COL14A1: variants seen among roughly 807,000 people sequenced by gnomAD.
COL14A1 encodes collagen alpha-1(XIV) chain.
In COL14A1, 136 loss-of-function variants were observed where a neutral mutation model predicts 230.3. That is an observed-to-expected ratio of 0.59 (90% CI 0.51 to 0.68). The LOEUF (loss-of-function observed/expected upper bound fraction) is 0.68. COL14A1 is among the 30% of genes least tolerant of loss of function. The pLI is 0.00. For synonymous variants in COL14A1, 792 were observed against 784.1 expected (o/e 1.01, Z -0.17); for missense variants, 1,976 against 2,215.8 (o/e 0.89, Z 2.17).
intron 20 of COL14A1, among the ~76,000 whole-genome samples, chr8:120,244,274 G>T (rs138781807): frequency 6.6e-6 from 1 of 152,226 alleles, no homozygotes; most frequent in Admixed American, 6.5e-5. Context: ...AGTTTAATTC[G>T]TCAAGGTCCT....
At chr8:120,202,989 A>AT (rs1817299435) in intron 8 of COL14A1, among the ~76,000 whole-genome samples, 4 of 106,554 alleles carry the variant, frequency 3.8e-5, no homozygotes, top group African/African-American at 1.3e-4. Flanking sequence ...AATAATTTCA[A>AT]ATATATATAT....
rs1477720898 is a variant in COL14A1 at position 120,345,515 on chromosome 8, C to T, written c.5029C>T (p.Pro1677Ser). 3 of 1,577,738 alleles carry T rather than the reference C, an allele frequency of 1.9e-6. No homozygotes were observed. In the African/African-American group the frequency reaches 4.1e-5, roughly 22 times the overall value. ...TGGTGAACAAGGACCCCCAGGCACACCAGGCTTCCCCGGAAATGCAGGCGT... is the reference window on the plus strand; with the variant it reads ...TGGTGAACAAGGACCCCCAGGCACATCAGGCTTCCCCGGAAATGCAGGCGT... The part of the protein sequence containing the change: ...APGEQGPPGT[P>S]GFPGNAGVPG... The change falls in exon 45 of 48, where the codon CCA (proline) becomes TCA (serine). Residue 1677 changes from proline to serine, a missense_variant. Pro to Ser is a moderately conservative substitution (Grantham distance 74, BLOSUM62 -1). Transcript: ENST00000297848.
At chr8:120,291,242 G>C (rs1820365238) in intron 34 of COL14A1, among the ~76,000 whole-genome samples, 1 of 152,050 alleles carries the variant, frequency 6.6e-6, no homozygotes, top group African/African-American at 2.4e-5. Flanking sequence ...ATACTTGGAT[G>C]ATGAATGAAT....
At position 120,212,435 on chromosome 8, in the gene COL14A1, G is replaced by T. The variant is rs769814933; in HGVS notation, c.1468-13G>T. 20 of 1,612,160 alleles carry T rather than the reference G, an allele frequency of 1.2e-5. No individual in the cohort carries two copies. In the East Asian group the frequency reaches 4.5e-4, roughly 36 times the overall value. On this transcript the variant is annotated splice_polypyrimidine_tract_variant and intron_variant, in intron 12 of 47. Coordinates refer to ENST00000297848, the MANE Select transcript of COL14A1 (RefSeq NM_021110.4). The stretch of plus-strand genomic sequence containing the variant: ...GTATTGGCAAATGATCTAACAACAT[G>T]TGTTCTTTTCAGATGAAAATTGGAG...
At chr8:120,338,257 A>G (rs1347159898) in intron 42 of COL14A1, among the ~76,000 whole-genome samples, 3 of 152,214 alleles carry the variant, frequency 2.0e-5, no homozygotes, top group Admixed American at 1.3e-4. Flanking sequence ...TAGGCATGGT[A>G]TGTTTGCTTG....
At chr8:120,283,521 TG>T (rs1820103192) in intron 31 of COL14A1, 114 bp from the exon 32 acceptor site, 1 of 1,032,926 alleles carries the variant, frequency 9.7e-7, no homozygotes, top group Admixed American at 2.5e-5. Flanking sequence ...GTGTTAATGG[TG>T]GTCTTTTCTG....
At chr8:120,300,603 AT>A in intron 35 of COL14A1, 128 bp from the exon 36 acceptor site, 1 of 714,058 alleles carries the variant, frequency 1.4e-6, no homozygotes, top group Non-Finnish European at 2.4e-6. Context: ...AGGAGTGAAT[AT>A]TCTCTGCCTT....
chr8:120,180,125 TA>T (rs1816415509), intron 5 of COL14A1, among the ~76,000 whole-genome samples: 2 of 152,154 alleles, frequency 1.3e-5, no homozygotes, highest in Admixed American at 6.5e-5. Flanking sequence ...CCTCTGTTTT[TA>T]AAAAGTGATA....
Position 120,371,259 on chromosome 8 carries a change from C to T in COL14A1, c.*28C>T. On this transcript the variant is annotated 3_prime_UTR_variant, in exon 48 of 48. Coordinates refer to ENST00000297848, the MANE Select transcript of COL14A1 (RefSeq NM_021110.4). ...GCCTCAGGAGAAATTTGAAGACCAA[C>T]TGCAAGAACTCTTAAGGAATCTTGT... The T allele has an allele frequency of 6.5e-7, 1 of 1,548,720 alleles. No individual in the cohort carries two copies. The highest frequency in any genetic ancestry group is 8.9e-7 in the Non-Finnish European group (1 of 1,126,736).
chr8:120,227,188 G>A (rs1452081307), intron 16 of COL14A1, 32 bp from the exon 17 acceptor site: 14 of 1,602,172 alleles, frequency 8.7e-6, no homozygotes, highest in Admixed American at 1.7e-5. Flanking sequence ...TTTCAAATAA[G>A]CATAGTTACT....
At chr8:120,311,749 A>T (rs1821047030) in intron 37 of COL14A1, among the ~76,000 whole-genome samples, 1 of 152,174 alleles carries the variant, frequency 6.6e-6, no homozygotes, top group South Asian at 2.1e-4. Context: ...ATAGGATAAA[A>T]TGGGACCCCC....
At chr8:120,188,853 C>T (rs892423189) in intron 5 of COL14A1, among the ~76,000 whole-genome samples, 8 of 152,202 alleles carry the variant, frequency 5.3e-5, no homozygotes, top group African/African-American at 1.4e-4. Flanking sequence ...ATTTAAACTA[C>T]ATTTAGCTGC....
intron 8 of COL14A1, among the ~76,000 whole-genome samples, 182 bp from the exon 9 acceptor site, chr8:120,203,527 T>G (rs1205798058): frequency 1.3e-5 from 2 of 152,210 alleles, no homozygotes; most frequent in Non-Finnish European, 2.9e-5. Flanking sequence ...CTATATTTTT[T>G]CATTTCATCG....
At chr8:120,308,508 A>G (rs1417362629) in intron 36 of COL14A1, among the ~76,000 whole-genome samples, 1 of 152,272 alleles carries the variant, frequency 6.6e-6, no homozygotes, top group East Asian at 1.9e-4. Context: ...AAACATACAC[A>G]GCAAATAATA....
intron 3 of COL14A1, 48 bp from the exon 4 acceptor site, chr8:120,162,378 A>G (rs1168958586): frequency 6.6e-7 from 1 of 1,513,442 alleles, no homozygotes; most frequent in African/African-American, 1.4e-5. Flanking sequence ...TAATGTACAC[A>G]GTGGACCTTA....
At chr8:120,181,173 T>C (rs562987338) in intron 5 of COL14A1, among the ~76,000 whole-genome samples, 3 of 151,252 alleles carry the variant, frequency 2.0e-5, no homozygotes, top group Non-Finnish European at 4.4e-5. Context: ...AACTGAGATA[T>C]CTGGATTGAG....
At chr8:120,185,605 A>G (rs1816626562) in intron 5 of COL14A1, among the ~76,000 whole-genome samples, 2 of 152,148 alleles carry the variant, frequency 1.3e-5, no homozygotes. Context: ...GCGAGATTGT[A>G]GTGAGCTAGT....
intron 40 of COL14A1, among the ~76,000 whole-genome samples, chr8:120,325,072 A>G (rs922911273): frequency 2.0e-5 from 3 of 152,212 alleles, no homozygotes; most frequent in Admixed American, 6.5e-5. Flanking sequence ...TGGTTTGCCA[A>G]TTTCAGCCAT....
At chr8:120,255,479 A>G (rs982985805) in intron 23 of COL14A1, 123 bp downstream of exon 23, 8 of 773,206 alleles carry the variant, frequency 1.0e-5, no homozygotes, top group African/African-American at 1.0e-4. Context: ...AGCAATTTGT[A>G]TTGGTCAGTC....
Sources: allele counts gnomAD v4.1 joint callset (sites outside exome capture counted in the v4.1 genomes callset), GRCh38; gene constraint gnomAD v4.1.1; transcripts MANE v1.5; gene names NCBI Gene and HGNC (gene_info 2026-07-23, HGNC 2026-07-21).